WFDC1: variants seen among roughly 807,000 people sequenced by gnomAD.
WFDC1 encodes WAP four-disulfide core domain protein 1.
A neutral mutation model predicts 32.9 loss-of-function variants in WFDC1; 39 were observed. That is an observed-to-expected ratio of 1.19 (90% CI 0.92 to 1.55). WFDC1 has a LOEUF of 1.55. Ranked by LOEUF, WFDC1 falls within the 40% of genes most tolerant of loss-of-function variation. The pLI is 0.00. For missense variants in WFDC1, 386 were observed against 309.5 expected (o/e 1.25, Z -1.85); for synonymous variants, 184 against 137.4 (o/e 1.34, Z -2.37).
chr16:84,318,341 A>G lies in WFDC1; in HGVS notation c.407A>G (p.Glu136Gly), dbSNP rs768392742. 3 of 1,613,972 alleles carry G rather than the reference A, an allele frequency of 1.9e-6. No homozygotes were observed. The highest frequency in any genetic ancestry group is 1.7e-6 in the Non-Finnish European group (2 of 1,179,926). ...GGNGWLLDGP[E>G]EVLQAEACST... ...AATGGCTGGCTCCTGGATGGCCCTG[A>G]GGAGGTGTTACAAGGTACCTGCCGG... is the stretch of plus-strand genomic sequence containing the variant. Residue 136 changes from glutamate (E) to glycine (G), a missense_variant, in exon 3 of 7, where the codon GAG (glutamate) becomes GGG (glycine). Transcript: ENST00000219454.
intron 1 of WFDC1, among the ~76,000 whole-genome samples, chr16:84,297,799 G>C (rs1023729258): frequency 2.0e-5 from 3 of 152,036 alleles, no homozygotes. Context: ...CCCTTCTCTG[G>C]TCCTCAGTCC....
At chr16:84,313,441 G>A (rs550576837) in intron 2 of WFDC1, among the ~76,000 whole-genome samples, 1 of 152,352 alleles carries the variant, frequency 6.6e-6, no homozygotes, top group East Asian at 1.9e-4. Flanking sequence ...GACCCTAGAT[G>A]CCTCCAGGGA....
chr16:84,310,700 AAC>A (rs1907563461), intron 1 of WFDC1, among the ~76,000 whole-genome samples: 1 of 152,196 alleles, frequency 6.6e-6, no homozygotes, highest in South Asian at 2.1e-4. Flanking sequence ...TTTTTTTAAA[AAC>A]ACAGATGGGG....
At chr16:84,326,769 G>A in intron 5 of WFDC1, 113 bp from the exon 6 acceptor site, 6 of 1,248,158 alleles carry the variant, frequency 4.8e-6, no homozygotes, top group South Asian at 1.3e-5. Flanking sequence ...AGCTGGGGGA[G>A]GGAGGAGAGG....
chr16:84,318,041 A>T (rs1908061187), intron 2 of WFDC1: 3 of 494,756 alleles, frequency 6.1e-6, no homozygotes. Context: ...ACATCTTTGT[A>T]GCTGCAAGGG....
At chr16:84,319,261 CTGAG>C (rs1908150796) in intron 3 of WFDC1, 166 bp from the exon 4 acceptor site, 1 of 816,624 alleles carries the variant, frequency 1.2e-6, no homozygotes, top group Non-Finnish European at 1.9e-6. Flanking sequence ...CCACATGCCG[CTGAG>C]TGAGACCCAG....
intron 1 of WFDC1, 66 bp downstream of exon 1, chr16:84,295,181 G>A (rs940949430): frequency 5.7e-6 from 9 of 1,581,096 alleles, no homozygotes; most frequent in African/African-American, 5.4e-5. Context: ...GAGGAGAGGC[G>A]ATCCCTAGAC....
At chr16:84,296,225 A>C (rs1344484151) in intron 1 of WFDC1, among the ~76,000 whole-genome samples, 1 of 152,224 alleles carries the variant, frequency 6.6e-6, no homozygotes, top group Non-Finnish European at 1.5e-5. Context: ...ACGTCTTTGC[A>C]ACATAGCAAG....
intron 1 of WFDC1, among the ~76,000 whole-genome samples, chr16:84,307,919 G>A (rs988924906): frequency 4.6e-5 from 7 of 152,106 alleles, no homozygotes; most frequent in African/African-American, 1.5e-4. Context: ...GAGATTGGGC[G>A]GAGAAAGGGG....
intron 4 of WFDC1, among the ~76,000 whole-genome samples, chr16:84,323,229 C>T (rs867734217): frequency 6.6e-6 from 1 of 152,204 alleles, no homozygotes; most frequent in Admixed American, 6.5e-5. Context: ...GATAAATGTC[C>T]GTGCTGGTCC....
chr16:84,295,374 G>T, intron 1 of WFDC1: 1 of 498,064 alleles, frequency 2.0e-6, no homozygotes, highest in East Asian at 3.2e-5. Flanking sequence ...CTTTTGCCTT[G>T]TTACAAAAGT....
rs552727556 is a variant in WFDC1 at position 84,308,676 on chromosome 16, C to G, written c.145-4285C>G. On this transcript the variant is annotated intron_variant, in intron 1 of 6. Coordinates refer to ENST00000219454, the MANE Select transcript of WFDC1 (RefSeq NM_021197.4). ...ACTCCATCCTGAGTGTAGACACCAG[C>G]CTGGGTGTAGACGCCATCCTTGGTG... Among the ~76,000 whole-genome samples the G allele has an allele frequency of 6.6e-5, 10 of 152,262 alleles. No individual in the cohort carries two copies. The South Asian group carries it at 2.1e-3, about 32-fold the overall frequency.
chr16:84,299,819 G>T (rs907437894), intron 1 of WFDC1, among the ~76,000 whole-genome samples: 1 of 152,232 alleles, frequency 6.6e-6, no homozygotes, highest in Non-Finnish European at 1.5e-5. Flanking sequence ...GTCCTGCTGA[G>T]GGGGGCTGGG....
chr16:84,319,610 C>G (rs1908186960), intron 4 of WFDC1, 39 bp downstream of exon 4: 1 of 1,602,810 alleles, frequency 6.2e-7, no homozygotes, highest in Non-Finnish European at 8.5e-7. Flanking sequence ...GGCTCCTGCC[C>G]CAGTCCCCTT....
intron 1 of WFDC1, chr16:84,295,428 AT>A: frequency 2.0e-6 from 1 of 489,244 alleles, no homozygotes; most frequent in Admixed American, 3.8e-5. Flanking sequence ...GAACCCCAGG[AT>A]TTAAACGGAG....
At chr16:84,308,474 C>T (rs929824307) in intron 1 of WFDC1, among the ~76,000 whole-genome samples, 3 of 152,216 alleles carry the variant, frequency 2.0e-5, no homozygotes, top group African/African-American at 2.4e-5. Flanking sequence ...CTAGAAACAT[C>T]CCGACGAGTC....
intron 3 of WFDC1, chr16:84,318,607 A>T (rs1908103461): frequency 2.4e-6 from 1 of 419,448 alleles, no homozygotes; most frequent in African/African-American, 2.0e-5. Flanking sequence ...CTGGATGGAG[A>T]ATTGAAGGGG....
At chr16:84,304,409 A>G (rs1907124755) in intron 1 of WFDC1, among the ~76,000 whole-genome samples, 1 of 152,102 alleles carries the variant, frequency 6.6e-6, no homozygotes, top group African/African-American at 2.4e-5. Context: ...TTGTATTTTT[A>G]GTAGAGACGG....
Position 84,314,812 on chromosome 16 carries a change from C to G in WFDC1, c.337+1659C>G, listed in dbSNP as rs536961458. 1.9e-4 allele frequency among the ~76,000 whole-genome samples: 29 copies of G among 152,318 alleles called. 1 individual carries two copies. The highest frequency in any genetic ancestry group is 6.7e-4 in the African/African-American group (28 of 41,572). On this transcript the variant is annotated intron_variant, in intron 2 of 6. Coordinates refer to ENST00000219454, the MANE Select transcript of WFDC1 (RefSeq NM_021197.4). ...TGGGTGGACTTATCAAAAATGGTGCCCCTTCCTCTGGAATGTGACCTGACA... is the reference window on the plus strand; with the variant it reads ...TGGGTGGACTTATCAAAAATGGTGCGCCTTCCTCTGGAATGTGACCTGACA...
Sources: allele counts gnomAD v4.1 joint callset (sites outside exome capture counted in the v4.1 genomes callset), GRCh38; gene constraint gnomAD v4.1.1; transcripts MANE v1.5; gene names NCBI Gene and HGNC (gene_info 2026-07-23, HGNC 2026-07-21).